The following ABCG1 variants were observed in gnomAD, a reference collection of about 807,000 sequenced individuals.
ABCG1 encodes the protein ATP-binding cassette sub-family G member 1.
A neutral mutation model predicts 69.2 loss-of-function variants in ABCG1; 29 were observed. The observed-to-expected ratio is 0.42, with a 90% confidence interval of 0.31 to 0.57. The LOEUF (loss-of-function observed/expected upper bound fraction) is 0.57, where lower values mean the gene tolerates loss of function less well. ABCG1 is among the 20% of genes least tolerant of loss of function. The pLI, the probability that ABCG1 is intolerant of heterozygous loss-of-function variation, is 0.15. For synonymous variants in ABCG1, 370 were observed against 374.8 expected, an observed-to-expected ratio of 0.99 and a Z score of 0.15; for missense variants, 718 against 898.1, an observed-to-expected ratio of 0.80 and a Z score of 2.56.
intron 2 of ABCG1, among the ~76,000 whole-genome samples, chr21:42,250,986 G>A (rs1480034602): frequency 1.3e-5 from 2 of 152,114 alleles, no homozygotes; most frequent in East Asian, 1.9e-4. Context: ...ACAACACAAA[G>A]GCAACAACAG....
chr21:42,260,310 C>G (rs225382), intron 2 of ABCG1, among the ~76,000 whole-genome samples: 8,583 of 152,260 alleles, frequency 0.056, 303 homozygotes, highest in Middle Eastern at 0.088. Context: ...GGGCTCCTCT[C>G]GAGGGGGCCT....
intron 2 of ABCG1, among the ~76,000 whole-genome samples, chr21:42,249,133 C>T (rs1000711737): frequency 1.4e-4 from 21 of 152,014 alleles, no homozygotes; most frequent in Non-Finnish European, 1.8e-4. Context: ...AGGATAAATA[C>T]GAACGTGGTG....
rs181217805 is a variant in ABCG1, at chr21:42,203,070, C to A, written c.48+1347C>A. 8.1e-3 allele frequency among the ~76,000 whole-genome samples: 1,239 copies of A among 152,278 alleles called. 23 individuals carry two copies. The highest frequency in any genetic ancestry group is 0.028 in the African/African-American group (1,175 of 41,540). On this transcript the variant is annotated intron_variant, in intron 2 of 15. Transcript: ENST00000398457. Reference sequence around the variant, plus strand: ...AGGACAGCTTTTCCAGCAAGCGCTGCTGATGCATTTGGGTATCCACGGGCA... The same window carrying A: ...AGGACAGCTTTTCCAGCAAGCGCTGATGATGCATTTGGGTATCCACGGGCA...
intron 2 of ABCG1, chr21:42,206,913 C>T (rs2067547780): frequency 1.4e-5 from 2 of 145,690 alleles, no homozygotes; most frequent in Non-Finnish European, 3.0e-5. Context: ...AAATGTTGTG[C>T]TAATTCTTTC....
Position 42,271,116 on chromosome 21 carries a change from T to C in ABCG1, c.333T>C (p.Gly111=). The C allele has an allele frequency of 6.3e-7, 1 of 1,582,124 alleles. No individual in the cohort carries two copies. Among genetic ancestry groups the C allele is most frequent in the Non-Finnish European group, 8.6e-7 (1 of 1,166,754 alleles). ...LKGISGKFNS[G]ELVAIMGPSG... ...GAATTTCCGGGAAGTTCAATAGTGG[T>C]GAGTTGGTGGCCATTATGGGTCCTT... Residue 111 remains glycine, a synonymous_variant, in exon 3 of 15, where the codon GGT becomes GGC. Transcript: ENST00000398449.
intron 5 of ABCG1, among the ~76,000 whole-genome samples, chr21:42,279,159 G>C (rs1228235555): frequency 6.6e-6 from 1 of 152,058 alleles, no homozygotes; most frequent in East Asian, 1.9e-4. Flanking sequence ...CCCTCCAGAT[G>C]CTGGCCTGCA....
chr21:42,206,570 T>C (rs2067544492), intron 2 of ABCG1, among the ~76,000 whole-genome samples: 1 of 152,124 alleles, frequency 6.6e-6, no homozygotes, highest in Non-Finnish European at 1.5e-5. Context: ...AATGGTGTTA[T>C]TGAGTTCTTC....
At chr21:42,271,257 C>A in intron 3 of ABCG1, 70 bp downstream of exon 3, 1 of 993,452 alleles carries the variant, frequency 1.0e-6, no homozygotes, top group South Asian at 1.9e-5. Context: ...CAGTGGAGCT[C>A]CTTCCATCAG....
chr21:42,239,088 G>T (rs780067174), intron 2 of ABCG1, among the ~76,000 whole-genome samples: 1 of 152,096 alleles, frequency 6.6e-6, no homozygotes, highest in Admixed American at 6.5e-5. Context: ...ATGATTCCAG[G>T]TGTAGTACTT....
Position 42,258,632 on chromosome 21 carries a change from TCTCCATCCATCC to T in ABCG1, c.287-12419_287-12408del, listed in dbSNP as rs953124576. On this transcript the variant is annotated intron_variant, in intron 2 of 14. Transcript: ENST00000398449. Reference sequence around the variant, plus strand: ...CATATCTCCATCCACTCTATCAGCCTCTCCATCCATCCCTCCATCCATCCCTCCATTAATCCT... The same window carrying T: ...CATATCTCCATCCACTCTATCAGCCTCTCCATCCATCCCTCCATTAATCCT... 2.1e-4 allele frequency among the ~76,000 whole-genome samples: 31 copies of T among 151,066 alleles called. 1 individual carries two copies. The highest frequency in any genetic ancestry group is 3.9e-4 in the African/African-American group (16 of 41,108).
chr21:42,261,777 C>T (rs1003751031), intron 2 of ABCG1, among the ~76,000 whole-genome samples: 3 of 152,220 alleles, frequency 2.0e-5, no homozygotes, highest in African/African-American at 7.2e-5. Context: ...TGTTTATCCA[C>T]ATTTATGTTT....
rs372293982 is a variant in ABCG1 at position 42,231,020 on chromosome 21, G to A, written c.286+5106G>A. Among the ~76,000 whole-genome samples the A allele has an allele frequency of 1.1e-4, 17 of 152,362 alleles. No individual in the cohort carries two copies. In the South Asian group the frequency reaches 1.4e-3, roughly 13 times the overall value. On this transcript the variant is annotated intron_variant, in intron 2 of 14. Coordinates refer to ENST00000398449, the MANE Select transcript of ABCG1 (RefSeq NM_016818.3). The stretch of plus-strand genomic sequence containing the variant: ...CCAAGGCACAGCTGTGCCTAGCCCC[G>A]TGTTATGAAATGGTGTGGGGTTGCC...
chr21:42,247,827 A>G (rs2068155682), intron 2 of ABCG1, among the ~76,000 whole-genome samples: 1 of 152,200 alleles, frequency 6.6e-6, no homozygotes. Context: ...TGGAGGAGAC[A>G]GCCCCATGAA....
In ABCG1 at chr21:42,271,644, G is replaced by A. The variant is rs147636816; in HGVS notation, c.404+457G>A. On this transcript the variant is annotated intron_variant, in intron 3 of 14. Coordinates refer to ENST00000398449, the MANE Select transcript of ABCG1 (RefSeq NM_016818.3). ...CACCTGCAATCGCAGCACTTTGGGA[G>A]GCCGAGGTGGGCGGATTACCTGAGG... 6.2e-3 allele frequency among the ~76,000 whole-genome samples: 941 copies of A among 152,328 alleles called. 6 individuals are homozygous for A. The highest frequency in any genetic ancestry group is 7.6e-3 in the Non-Finnish European group (519 of 68,032).
intron 2 of ABCG1, chr21:42,259,493 C>T (rs1245089155): frequency 1.0e-5 from 16 of 1,547,690 alleles, no homozygotes; most frequent in Middle Eastern, 2.2e-4. Context: ...CCCCATCCAA[C>T]CGTCCACTCA....
At chr21:42,283,292 G>A (rs1016004927) in intron 6 of ABCG1, among the ~76,000 whole-genome samples, 4 of 152,188 alleles carry the variant, frequency 2.6e-5, no homozygotes, top group Admixed American at 2.6e-4. Context: ...AGATACTTCA[G>A]GAAAAGAGAC....
At chr21:42,217,015 C>A (rs1052202026), upstream of ABCG1, among the ~76,000 whole-genome samples, 2 of 152,204 alleles carry the variant, frequency 1.3e-5, no homozygotes, top group African/African-American at 4.8e-5. Context: ...AAGGGCCCAG[C>A]ATAGCATCTT....
chr21:42,271,414 C>T (rs1003461362), intron 3 of ABCG1, among the ~76,000 whole-genome samples: 1 of 152,190 alleles, frequency 6.6e-6, no homozygotes, highest in Non-Finnish European at 1.5e-5. Context: ...CAGCAGCACC[C>T]TGGATGAGCT....
At chr21:42,282,740 G>A (rs537465589) in intron 6 of ABCG1, among the ~76,000 whole-genome samples, 1 of 152,320 alleles carries the variant, frequency 6.6e-6, no homozygotes, top group South Asian at 2.1e-4. Context: ...CAAGGTCATG[G>A]GACGACCTGG....
Sources: gnomAD v4.1 joint callset for allele counts (sites outside exome capture counted in the v4.1 genomes callset) on GRCh38, gnomAD v4.1.1 for gene constraint, MANE v1.5 for transcripts, NCBI Gene and HGNC (gene_info 2026-07-23, HGNC 2026-07-21) for gene names.